AGBL3: variants seen among roughly 807,000 people sequenced by gnomAD.
The protein encoded by AGBL3 is AGBL carboxypeptidase 3, also known as cytosolic carboxypeptidase 3.
A neutral mutation model predicts 94.5 loss-of-function variants in AGBL3; 68 were observed. The observed-to-expected ratio is 0.72, with a 90% CI of 0.59 to 0.88. The LOEUF (loss-of-function observed/expected upper bound fraction) is 0.88. AGBL3 is among the 40% of genes least tolerant of loss of function. AGBL3 has a pLI of 0.00. For synonymous variants in AGBL3, 354 were observed against 370.7 expected, an observed-to-expected ratio of 0.95 and a Z score of 0.52; for missense variants, 934 against 1,103.8, an observed-to-expected ratio of 0.85 and a Z score of 2.18.
At chr7:135,118,754 C>CA (rs1166505043) in intron 16 of AGBL3, among the ~76,000 whole-genome samples, 1 of 151,556 alleles carries the variant, frequency 6.6e-6, no homozygotes, top group Non-Finnish European at 1.5e-5. Context: ...TAAAATGCTT[C>CA]AAAAAACACT....
intron 12 of AGBL3, among the ~76,000 whole-genome samples, chr7:135,070,904 G>C (rs1481143976): frequency 2.0e-5 from 3 of 151,898 alleles, no homozygotes; most frequent in African/African-American, 7.3e-5. Flanking sequence ...AGAAATAAAG[G>C]GTATTCAATT....
At chr7:135,036,272 A>C (rs1036054170) in intron 7 of AGBL3, among the ~76,000 whole-genome samples, 1 of 152,108 alleles carries the variant, frequency 6.6e-6, no homozygotes, top group African/African-American at 2.4e-5. Context: ...TCATTTTATC[A>C]ATCAGTTTGA....
At chr7:135,081,952 A>G (rs531392732) in intron 15 of AGBL3, among the ~76,000 whole-genome samples, 162 bp downstream of exon 15, 7 of 152,190 alleles carry the variant, frequency 4.6e-5, no homozygotes, top group Non-Finnish European at 1.0e-4. Flanking sequence ...AAGAATATTC[A>G]TCTCATTGTC....
At chr7:135,090,896 C>G (rs935843989) in intron 15 of AGBL3, among the ~76,000 whole-genome samples, 2 of 152,126 alleles carry the variant, frequency 1.3e-5, no homozygotes, top group African/African-American at 4.8e-5. Flanking sequence ...GCTATAGCTA[C>G]TCACCCCTGG....
intron 1 of AGBL3, 51 bp from the exon 2 acceptor site, chr7:134,987,824 G>A (rs1809666092): frequency 1.4e-6 from 1 of 735,114 alleles, no homozygotes; most frequent in Non-Finnish European, 2.3e-6. Flanking sequence ...CTCATTTAAT[G>A]TAGTAAACAC....
chr7:135,125,123 A>T (rs892494665), intron 16 of AGBL3, among the ~76,000 whole-genome samples: 4 of 151,996 alleles, frequency 2.6e-5, no homozygotes, highest in Non-Finnish European at 4.4e-5. Flanking sequence ...CTGTTTTTTT[A>T]AAAAAATTAA....
intron 5 of AGBL3, 123 bp from the exon 6 acceptor site, chr7:135,032,721 T>C: frequency 2.5e-6 from 2 of 807,360 alleles, no homozygotes; most frequent in South Asian, 5.8e-5. Context: ...CTATATAAAT[T>C]AGTGTCCAGT....
chr7:135,045,594 T>C lies in AGBL3; in HGVS notation c.1728+20T>C. On this transcript the variant is annotated intron_variant, in intron 10 of 16. Transcript: ENST00000436302. The stretch of plus-strand genomic sequence containing the variant: ...ACCAAGGTAAGCAAAGTCCATTTGG[T>C]AATGCATCAGACTCCAGCCTATCAG... 1.3e-6 allele frequency: 2 copies of C among 1,536,212 alleles called. No individual in the cohort carries two copies. The highest frequency in any genetic ancestry group is 1.8e-6 in the Non-Finnish European group (2 of 1,133,130).
chr7:135,120,389 C>T (rs1826975792), intron 16 of AGBL3, among the ~76,000 whole-genome samples: 2 of 152,086 alleles, frequency 1.3e-5, no homozygotes, highest in Non-Finnish European at 2.9e-5. Flanking sequence ...TAAGTTAACA[C>T]AACCAATAAA....
At chr7:135,124,737 A>T (rs1479690725) in intron 16 of AGBL3, among the ~76,000 whole-genome samples, 4 of 152,230 alleles carry the variant, frequency 2.6e-5, no homozygotes, top group African/African-American at 9.6e-5. Flanking sequence ...ACTCAGGATT[A>T]AAAAACTCAC....
chr7:135,037,839 T>G (rs1009157701), intron 8 of AGBL3, among the ~76,000 whole-genome samples: 4 of 152,182 alleles, frequency 2.6e-5, no homozygotes, highest in Admixed American at 1.3e-4. Context: ...GAAAGCTTCC[T>G]CTATTAGTCA....
At chr7:135,063,886 G>A (rs1819051893) in intron 12 of AGBL3, among the ~76,000 whole-genome samples, 1 of 152,156 alleles carries the variant, frequency 6.6e-6, no homozygotes, top group Non-Finnish European at 1.5e-5. Flanking sequence ...GAATCTGAAG[G>A]TCAGCAGTGG....
At chr7:135,128,435 A>G in intron 16 of AGBL3, 1 of 705,250 alleles carries the variant, frequency 1.4e-6, no homozygotes, top group South Asian at 1.5e-5. Flanking sequence ...TGTTCCTCAG[A>G]AAATTAAATG....
At chr7:135,103,651 A>AGAATGTGAAAGGG (rs1407283001) in intron 15 of AGBL3, among the ~76,000 whole-genome samples, 4 of 152,152 alleles carry the variant, frequency 2.6e-5, no homozygotes, top group South Asian at 2.1e-4. Context: ...TCTCAGTAGG[A>AGAATGTGAAAGGG]GACTGAGAGG....
At position 135,115,616 on chromosome 7, in the gene AGBL3, G is replaced by C; in HGVS notation, c.2342+5G>C. ...CAACTTCCAAATCCAACATCAGTAAGTCAATACAATTTTATCACTCTTATC... is the reference window on the plus strand; with the variant it reads ...CAACTTCCAAATCCAACATCAGTAACTCAATACAATTTTATCACTCTTATC... On this transcript the variant is annotated splice_donor_5th_base_variant and intron_variant, in intron 16 of 16. Transcript: ENST00000436302. The C allele has an allele frequency of 6.5e-6, 10 of 1,528,946 alleles. No individual in the cohort carries two copies. Among genetic ancestry groups the C allele is most frequent in the Non-Finnish European group, 7.1e-6 (8 of 1,128,332 alleles). The allele number at this position is 1,528,946 out of a possible 1,614,324, so 94.7% of individuals were successfully genotyped here. A position where few individuals can be genotyped will look rare whatever the true frequency, so the allele number is the denominator to read the frequency against.
intron 16 of AGBL3, chr7:135,129,406 A>G: frequency 1.2e-6 from 1 of 809,158 alleles, no homozygotes; most frequent in Admixed American, 1.7e-5. Context: ...CAAAGGTATG[A>G]TAAGAGGGTG....
intron 12 of AGBL3, 143 bp downstream of exon 12, chr7:135,059,378 A>G: frequency 1.9e-6 from 1 of 520,740 alleles, no homozygotes; most frequent in South Asian, 3.6e-5. Flanking sequence ...ATTTTAAATC[A>G]TAGAATTATT....
intron 15 of AGBL3, among the ~76,000 whole-genome samples, chr7:135,090,231 G>A (rs151075584): frequency 2.0e-5 from 3 of 152,272 alleles, no homozygotes; most frequent in Non-Finnish European, 4.4e-5. Context: ...GAGGCCAGGT[G>A]CATTGGCAGC....
chr7:135,001,928 T>C (rs577089128), intron 4 of AGBL3, among the ~76,000 whole-genome samples: 1 of 152,366 alleles, frequency 6.6e-6, no homozygotes, highest in African/African-American at 2.4e-5. Flanking sequence ...AGATTTATCA[T>C]TTCTAAATTC....
Sources: gnomAD v4.1 joint callset for allele counts (sites outside exome capture counted in the v4.1 genomes callset) on GRCh38, gnomAD v4.1.1 for gene constraint, MANE v1.5 for transcripts, NCBI Gene and HGNC (gene_info 2026-07-23, HGNC 2026-07-21) for gene names.